Variants in ERI3 observed in about 807,000 individuals in gnomAD.
ERI3 encodes ERI1 exoribonuclease family member 3.
Under a neutral mutation model 44.4 loss-of-function variants are expected in ERI3, and 18 were observed. The observed-to-expected ratio is 0.41, with a 90% CI of 0.28 to 0.60. ERI3 has a LOEUF of 0.60. Ranked by LOEUF, ERI3 falls within the 20% of genes least tolerant of loss-of-function variation. The probability of loss-of-function intolerance (pLI) is 0.36; values close to 1 mark genes in which losing one functional copy is unlikely to be tolerated. For synonymous variants in ERI3, 183 were observed against 164.8 expected (o/e 1.11, Z -0.84); for missense variants, 294 against 435.5 (o/e 0.68, Z 2.89).
intron 5 of ERI3, among the ~76,000 whole-genome samples, chr1:44,311,157 C>A (rs946149606): frequency 2.0e-5 from 3 of 152,100 alleles, no homozygotes; most frequent in Non-Finnish European, 2.9e-5. Context: ...ACTAGAGGGG[C>A]TCCCCAGTGC....
intron 6 of ERI3, among the ~76,000 whole-genome samples, chr1:44,291,827 G>A (rs1572202346): frequency 1.3e-5 from 2 of 152,198 alleles, no homozygotes; most frequent in South Asian, 2.1e-4. Flanking sequence ...CAGTGACCTC[G>A]CCTACTGCAG....
At chr1:44,250,584 G>GGGCA (rs1644656817) in intron 7 of ERI3, among the ~76,000 whole-genome samples, 2 of 152,322 alleles carry the variant, frequency 1.3e-5, no homozygotes, top group African/African-American at 4.8e-5. Context: ...CTTTCAGGAA[G>GGGCA]GGCAGTCTGG....
rs1644427580 is a variant in ERI3, at chr1:44,241,282, CTGAAA to C, written c.931+6652_931+6656del. Among the ~76,000 whole-genome samples, 1 of 152,048 alleles carries C rather than the reference CTGAAA, an allele frequency of 6.6e-6. No homozygotes were observed. Among genetic ancestry groups the C allele is most frequent in the African/African-American group, 2.4e-5 (1 of 41,370 alleles). On this transcript the variant is annotated intron_variant, in intron 8 of 8. Coordinates refer to ENST00000372257, the MANE Select transcript of ERI3 (RefSeq NM_024066.3). The surrounding 1 kb of genome is among the most constrained non-coding windows in gnomAD (Gnocchi z 5.6). ...GAGAGGGGATAAGGAGGAAAATAAA[CTGAAA>C]TGAAGTCCGGTTATCTCCCATCTGT... is the stretch of plus-strand genomic sequence containing the variant.
intron 8 of ERI3, among the ~76,000 whole-genome samples, chr1:44,247,660 C>T (rs1268952589): frequency 5.9e-5 from 9 of 152,140 alleles, no homozygotes; most frequent in Admixed American, 4.6e-4. Flanking sequence ...AGAGATGCAG[C>T]CAGTGAAGGA....
intron 7 of ERI3, among the ~76,000 whole-genome samples, chr1:44,276,358 G>A (rs910697786): frequency 6.6e-6 from 1 of 152,232 alleles, no homozygotes; most frequent in African/African-American, 2.4e-5. Flanking sequence ...GGCTATGTGT[G>A]TAGGTATGCA....
chr1:44,236,037 T>C (rs1644295443), intron 8 of ERI3, among the ~76,000 whole-genome samples: 1 of 152,188 alleles, frequency 6.6e-6, no homozygotes, highest in Non-Finnish European at 1.5e-5. Flanking sequence ...ATTTATCCCC[T>C]TTGTTTGTTT....
At chr1:44,277,613 T>G (rs2154322435) in intron 7 of ERI3, among the ~76,000 whole-genome samples, 1 of 152,346 alleles carries the variant, frequency 6.6e-6, no homozygotes, top group Middle Eastern at 3.4e-3. Context: ...CAAATTTTAG[T>G]CTTCATCTTG....
intron 8 of ERI3, among the ~76,000 whole-genome samples, chr1:44,233,842 G>A (rs971326328): frequency 1.3e-5 from 2 of 152,182 alleles, no homozygotes; most frequent in Non-Finnish European, 2.9e-5. Context: ...CTTCAGAGTT[G>A]TTTACACTCA....
At chr1:44,347,775 TAA>T (rs60789961) in intron 2 of ERI3, among the ~76,000 whole-genome samples, 175 of 148,374 alleles carry the variant, frequency 1.2e-3, no homozygotes, top group Admixed American at 1.3e-3. Flanking sequence ...GTGCATGTGT[TAA>T]AAAAAAAAAA....
intron 3 of ERI3, among the ~76,000 whole-genome samples, chr1:44,328,678 T>C (rs867898894): frequency 3.3e-5 from 5 of 152,192 alleles, no homozygotes; most frequent in African/African-American, 9.6e-5. Flanking sequence ...TCCCAGGTGA[T>C]GAGGATGCTG....
intron 8 of ERI3, among the ~76,000 whole-genome samples, chr1:44,229,084 C>T (rs1264118572): frequency 1.3e-5 from 2 of 152,176 alleles, no homozygotes; most frequent in African/African-American, 4.8e-5. Context: ...CAAGTCTTGG[C>T]CACACAGGAG....
chr1:44,231,543 T>G (rs1644184275), intron 8 of ERI3, among the ~76,000 whole-genome samples: 1 of 152,098 alleles, frequency 6.6e-6, no homozygotes, highest in Admixed American at 6.6e-5. Flanking sequence ...GGCTTTTTTT[T>G]GTGTGTGTAC....
rs1384229311 is a variant in ERI3 at position 44,286,039 on chromosome 1, G to A, written c.759-1132C>T. On this transcript the variant is annotated intron_variant, in intron 6 of 8. Coordinates refer to ENST00000372257, the MANE Select transcript of ERI3 (RefSeq NM_024066.3). Reference sequence around the variant, plus strand: ...ATTAAGATGTAAAGGAGGCCCCAGTGACTAAATGAAATGTGGGACCCAGTG... The same window carrying A: ...ATTAAGATGTAAAGGAGGCCCCAGTAACTAAATGAAATGTGGGACCCAGTG... Among the ~76,000 whole-genome samples, 6 of 152,186 alleles carry A rather than the reference G, an allele frequency of 3.9e-5. No homozygotes were observed. The South Asian group carries it at 6.2e-4, about 16-fold the overall frequency.
At position 44,221,335 on chromosome 1, in the gene ERI3, G is replaced by A. The variant is rs1009679984; in HGVS notation, c.*223C>T. 7.1e-6 allele frequency: 4 copies of A among 559,530 alleles called. No individual in the cohort carries two copies. Among genetic ancestry groups the A allele is most frequent in the African/African-American group, 5.7e-5 (3 of 52,322 alleles). The allele number at this position is 559,530 out of a possible 1,614,324, so 34.7% of individuals were successfully genotyped here. ...GGGGCTGATACTGGGCTGAGATTGAGGGGTGGGGATGGGGGGCACAAAGTG... is the reference window on the plus strand; with the variant it reads ...GGGGCTGATACTGGGCTGAGATTGAAGGGTGGGGATGGGGGGCACAAAGTG... On this transcript the variant is annotated 3_prime_UTR_variant, in exon 9 of 9. Transcript: ENST00000372257. This position sits in a 1 kb window ranked among gnomAD's most constrained non-coding sequence, Gnocchi z 5.9.
chr1:44,261,182 T>TAAA (rs1416800368), intron 7 of ERI3, among the ~76,000 whole-genome samples: 1 of 152,234 alleles, frequency 6.6e-6, no homozygotes, highest in African/African-American at 2.4e-5. Flanking sequence ...GGGAGATATT[T>TAAA]GTGTCTGCTT....
chr1:44,244,717 C>T (rs1271126523), intron 8 of ERI3, among the ~76,000 whole-genome samples: 3 of 152,082 alleles, frequency 2.0e-5, no homozygotes, highest in Non-Finnish European at 4.4e-5. Context: ...GAAGCCAACA[C>T]TGACCATGTA....
intron 8 of ERI3, among the ~76,000 whole-genome samples, chr1:44,230,077 A>G (rs1169959122): frequency 6.6e-6 from 1 of 152,200 alleles, no homozygotes; most frequent in African/African-American, 2.4e-5. Context: ...TTGACTGATG[A>G]TAAATCCTGA....
At chr1:44,279,981 T>C (rs1276933548) in intron 7 of ERI3, among the ~76,000 whole-genome samples, 1 of 152,168 alleles carries the variant, frequency 6.6e-6, no homozygotes, top group Non-Finnish European at 1.5e-5. Flanking sequence ...ATAAAACACA[T>C]ACATGCACAC....
intron 7 of ERI3, among the ~76,000 whole-genome samples, chr1:44,250,048 T>C (rs1279441571): frequency 2.6e-5 from 4 of 152,282 alleles, no homozygotes; most frequent in Admixed American, 2.6e-4. Flanking sequence ...ATTTAAGTGA[T>C]GTCGGGGAGA....
Sources: allele counts gnomAD v4.1 joint callset (sites outside exome capture counted in the v4.1 genomes callset), GRCh38; gene constraint gnomAD v4.1.1; non-coding constraint Gnocchi (gnomAD v3.1); transcripts MANE v1.5; gene names NCBI Gene and HGNC (gene_info 2026-07-23, HGNC 2026-07-21).